Variants in GOLGA8H observed in about 807,000 individuals in gnomAD.
GOLGA8H encodes the protein golgin subfamily A member 8H.
Under a neutral mutation model 82.7 loss-of-function variants are expected in GOLGA8H, and 47 were observed. The ratio of observed to expected loss-of-function variants is 0.57; its 90% CI spans 0.45 to 0.73. The LOEUF (loss-of-function observed/expected upper bound fraction) is 0.73, where lower values mean the gene tolerates loss of function less well. Among genes scored for constraint, GOLGA8H ranks in the 30% least tolerant of loss-of-function variants. The probability of loss-of-function intolerance (pLI) is 0.00; values close to 1 mark genes in which losing one functional copy is unlikely to be tolerated. For missense variants in GOLGA8H, 372 were observed against 661.0 expected (o/e 0.56, Z 4.79); for synonymous variants, 108 against 241.6 (o/e 0.45, Z 5.13).
intron 4 of GOLGA8H, chr15:30,607,813 G>C (rs2140820007): frequency 1.7e-6 from 1 of 593,372 alleles, no homozygotes; most frequent in East Asian, 2.9e-5. Context: ...AGAGATTCCA[G>C]ATTCAGACTT....
rs551778744 is a variant in GOLGA8H, at chr15:30,605,889, C to G, written c.95C>G (p.Ala32Gly). Residue 32 changes from alanine (A) to glycine (G), a missense_variant, in exon 2 of 19, where the codon GCG (alanine) becomes GGG (glycine). Ala to Gly is a moderately conservative substitution (Grantham distance 60, BLOSUM62 0). Coordinates refer to ENST00000566740, the MANE Select transcript of GOLGA8H (RefSeq NM_001282490.2). ...AACAGCCCTAGAGTTCCAGCAGGAG[C>G]GAACAGGAACAGGAAAACAAATGGC... ...QKNSPRVPAG[A>G]NRNRKTNGSV... is the part of the protein sequence containing the mutation. 11 of 1,585,510 alleles carry G rather than the reference C, an allele frequency of 6.9e-6. No individual in the cohort carries two copies. The South Asian group carries it at 1.2e-4, about 18-fold the overall frequency.
Position 30,608,512 on chromosome 15 carries a change from G to A in GOLGA8H, c.442G>A (p.Asp148Asn). The change falls in exon 7 of 19, where the codon GAC becomes AAC. Residue 148 changes from aspartate (D) to asparagine (N), a missense_variant. By Grantham distance (23) the Asp-to-Asn change is conservative. Transcript: ENST00000566740. ...CATACAGAAAGGGAAACTAAATACGGACCTGTACCACATGAAACGTTCTCT... is the reference window on the plus strand; with the variant it reads ...CATACAGAAAGGGAAACTAAATACGAACCTGTACCACATGAAACGTTCTCT... ...LNIQKGKLNT[D>N]LYHMKRSLRY... The A allele has an allele frequency of 3.1e-6, 5 of 1,610,876 alleles. No homozygotes were observed. Among genetic ancestry groups the A allele is most frequent in the East Asian group, 2.2e-5 (1 of 44,786 alleles).
In GOLGA8H at chr15:30,615,869, A is replaced by C. The variant is rs1323129045; in HGVS notation, c.*1308A>C. Among the ~76,000 whole-genome samples the C allele has an allele frequency of 1.4e-5, 2 of 147,578 alleles. No homozygotes were observed. Among genetic ancestry groups the C allele is most frequent in the Non-Finnish European group, 3.0e-5 (2 of 66,906 alleles). ...TATATGTGAGATACTTAGTTGAAAC[A>C]AAAAGGAGTTTTAGTAGACGGTATT... On this transcript the variant is annotated 3_prime_UTR_variant, in exon 19 of 19. Coordinates refer to ENST00000566740, the MANE Select transcript of GOLGA8H (RefSeq NM_001282490.2).
chr15:30,611,467 C>G, intron 13 of GOLGA8H, 121 bp downstream of exon 13: 1 of 1,537,524 alleles, frequency 6.5e-7, no homozygotes, highest in South Asian at 1.2e-5. Flanking sequence ...GACCACAGCA[C>G]CCCGCAGGGC....
At chr15:30,604,967 G>A (rs796378) in intron 1 of GOLGA8H, among the ~76,000 whole-genome samples, 26 of 149,292 alleles carry the variant, frequency 1.7e-4, no homozygotes, top group Middle Eastern at 3.4e-3. Context: ...AACTCAAAAC[G>A]TTGACAGTAT....
At chr15:30,608,576 C>T in intron 7 of GOLGA8H, 25 bp downstream of exon 7, 1 of 1,607,392 alleles carries the variant, frequency 6.2e-7, no homozygotes, top group Non-Finnish European at 8.5e-7. Context: ...ACCCTGTCAT[C>T]CTTCAACCTG....
rs1309880285 is a variant in GOLGA8H at position 30,610,078 on chromosome 15, A to C, written c.758A>C (p.Gln253Pro). The C allele has an allele frequency of 1.2e-6, 2 of 1,611,314 alleles. No homozygotes were observed. The highest frequency in any genetic ancestry group is 4.5e-5 in the East Asian group (2 of 44,788). ...EHLKGERARW[Q>P]QRMRKMSQEI... ...CTAAAAGGAGAGAGGGCCCGGTGGC[A>C]GCAGAGGATGAGAAAAATGTCGCAG... is the stretch of plus-strand genomic sequence containing the variant. Residue 253 changes from glutamine (Q) to proline (P), a missense_variant, in exon 10 of 19, where the codon CAG becomes CCG. Physicochemically the swap from Gln to Pro is moderately conservative, Grantham distance 76 (BLOSUM62 -1). Coordinates refer to ENST00000566740, the MANE Select transcript of GOLGA8H (RefSeq NM_001282490.2).
chr15:30,610,264 C>A (rs1194131615), intron 10 of GOLGA8H, 38 bp from the exon 11 acceptor site: 1 of 883,194 alleles, frequency 1.1e-6, no homozygotes, highest in South Asian at 1.4e-5. Flanking sequence ...GCCTCCAGCC[C>A]CTCTCTCCAA....
At position 30,608,822 on chromosome 15, in the gene GOLGA8H, G is replaced by A. The variant is rs532753542; in HGVS notation, c.591+66G>A. Reference sequence around the variant, plus strand: ...TTGCAGATGGAGGAGTGAGCCTAAAGGTCCCTTCTGCAGGATGGCGTGTCC... The same window carrying A: ...TTGCAGATGGAGGAGTGAGCCTAAAAGTCCCTTCTGCAGGATGGCGTGTCC... On this transcript the variant is annotated intron_variant, in intron 8 of 18. Transcript: ENST00000566740. 8.1e-4 allele frequency: 1,060 copies of A among 1,301,506 alleles called. 8 individuals carry two copies. The highest frequency in any genetic ancestry group is 1.0e-3 in the Non-Finnish European group (935 of 933,360). The allele number at this position is 1,301,506 out of a possible 1,614,324, so 80.6% of individuals were successfully genotyped here.
At chr15:30,608,218 C>A in intron 5 of GOLGA8H, 113 bp from the exon 6 acceptor site, 2 of 1,171,960 alleles carry the variant, frequency 1.7e-6, no homozygotes, top group African/African-American at 1.5e-5. Context: ...CCCTGATAAC[C>A]TGGTCCCATG....
chr15:30,608,577 C>G, intron 7 of GOLGA8H, 26 bp downstream of exon 7: 1 of 1,607,298 alleles, frequency 6.2e-7, no homozygotes, highest in Non-Finnish European at 8.5e-7. Flanking sequence ...CCCTGTCATC[C>G]TTCAACCTGG....
rs566881261 is a variant in GOLGA8H at position 30,610,100 on chromosome 15, G to C, written c.780G>C (p.Ser260=). The C allele has an allele frequency of 1.3e-5, 21 of 1,610,966 alleles. 1 individual carries two copies. The East Asian group carries it at 1.6e-4, about 12-fold the overall frequency. ...GGCAGCAGAGGATGAGAAAAATGTC[G>C]CAGGAGGTGAGATCTCACCCTTCAG... The part of the protein sequence containing the change: ...ARWQQRMRKM[S]QEICTLKKEK... The change falls in exon 10 of 19, where the codon TCG becomes TCC. Residue 260 remains serine (S), a synonymous_variant. Coordinates refer to ENST00000566740, the MANE Select transcript of GOLGA8H (RefSeq NM_001282490.2).
rs907487726 is a variant in GOLGA8H at position 30,606,146 on chromosome 15, C to A, written c.168+184C>A. Reference sequence around the variant, plus strand: ...AAGGCAGGCGGATCATGAGGTCAGGCGATCGAGACCATCCTGGTTAACACG... The same window carrying A: ...AAGGCAGGCGGATCATGAGGTCAGGAGATCGAGACCATCCTGGTTAACACG... On this transcript the variant is annotated intron_variant, in intron 2 of 18. Transcript: ENST00000566740. Among the ~76,000 whole-genome samples, 230 of 151,540 alleles carry A rather than the reference C, an allele frequency of 1.5e-3. 3 individuals are homozygous for A. Among genetic ancestry groups the A allele is most frequent in the East Asian group, 5.5e-3 (28 of 5,126 alleles).
chr15:30,610,620 G>A, intron 11 of GOLGA8H, 146 bp from the exon 12 acceptor site: 1 of 1,490,996 alleles, frequency 6.7e-7, no homozygotes, highest in East Asian at 2.3e-5. Flanking sequence ...CTCTGAATGT[G>A]CTTTGGAAGA....
At position 30,613,796 on chromosome 15, in the gene GOLGA8H, G is replaced by C. The variant is rs1355921614; in HGVS notation, c.1395G>C (p.Glu465Asp). ...GCAGCTTTATGGACCACCTGGAGGA[G>C]AAGGCAGACCTGAGTGAGCTGGTGA... ...AMSSFMDHLE[E>D]KADLSELVKK... is the part of the protein sequence containing the mutation. Residue 465 changes from glutamate to aspartate, a missense_variant, in exon 16 of 19, where the codon GAG becomes GAC. Glu to Asp is a conservative substitution (Grantham distance 45). Coordinates refer to ENST00000566740, the MANE Select transcript of GOLGA8H (RefSeq NM_001282490.2). 2 of 1,595,058 alleles carry C rather than the reference G, an allele frequency of 1.3e-6. No homozygotes were observed. The highest frequency in any genetic ancestry group is 2.2e-5 in the East Asian group (1 of 44,730).
rs2060015088 is a variant in GOLGA8H at position 30,611,288 on chromosome 15, AC to A, written c.1143del (p.Asn381LysfsTer11). On this transcript the variant is annotated frameshift_variant, in exon 13 of 19. Transcript: ENST00000566740. LOFTEE classifies it high-confidence loss of function. ...CTTCTCTCTGTCCAGAACAATGAGA[AC>A]AAGAACGCACTGCAGTTGGAGCAGC... Reference protein sequence around the residue: ...QSVFEEPNNENKNALQLEQQV... With the variant: ...QSVFEEPNNEXKNALQLEQQV... 1.9e-6 allele frequency: 2 copies of A among 1,030,420 alleles called. No homozygotes were observed. The highest frequency in any genetic ancestry group is 3.0e-4 in the Middle Eastern group (1 of 3,344). The allele number at this position is 1,030,420 out of a possible 1,614,324, so 63.8% of individuals were successfully genotyped here.
chr15:30,610,631 C>G (rs1283554257), intron 11 of GOLGA8H, 135 bp from the exon 12 acceptor site: 11 of 1,456,528 alleles, frequency 7.6e-6, no homozygotes, highest in Non-Finnish European at 1.0e-5. Context: ...CTTTGGAAGA[C>G]TGGCTACCAT....
chr15:30,604,311 T>G, intron 1 of GOLGA8H, 138 bp downstream of exon 1: 1 of 1,515,764 alleles, frequency 6.6e-7, no homozygotes, highest in Non-Finnish European at 8.8e-7. Flanking sequence ...GCTACCCCCA[T>G]CAAAGTTTTG....
chr15:30,609,118 CGTGT>C (rs57392338), intron 8 of GOLGA8H, among the ~76,000 whole-genome samples: 3,214 of 85,604 alleles, frequency 0.038, 312 homozygotes, highest in African/African-American at 0.15. Flanking sequence ...AACGTGTGTG[CGTGT>C]GTGTGTGTGT....
Sources: allele counts gnomAD v4.1 joint callset (sites outside exome capture counted in the v4.1 genomes callset), GRCh38; gene constraint gnomAD v4.1.1; transcripts MANE v1.5; gene names NCBI Gene and HGNC (gene_info 2026-07-23, HGNC 2026-07-21).